Variants in PYGL observed in about 807,000 individuals in gnomAD.
PYGL encodes glycogen phosphorylase, liver form.
PYGL carries 90 observed loss-of-function variants against 100.1 expected under a neutral mutation model. The observed-to-expected ratio is 0.90, with a 90% CI of 0.76 to 1.07. The LOEUF (loss-of-function observed/expected upper bound fraction) is 1.07. Among genes scored for constraint, PYGL ranks in the 50% least tolerant of loss-of-function variants. The probability of loss-of-function intolerance (pLI) is 0.00; values close to 1 mark genes in which losing one functional copy is unlikely to be tolerated. For missense variants in PYGL, 1,016 were observed against 1,057.6 expected (o/e 0.96, Z 0.55); for synonymous variants, 373 against 393.0 (o/e 0.95, Z 0.60).
At chr14:50,910,365 A>G (rs2050381828) in intron 16 of PYGL, among the ~76,000 whole-genome samples, 1 of 152,152 alleles carries the variant, frequency 6.6e-6, no homozygotes, top group Non-Finnish European at 1.5e-5. Flanking sequence ...CATTGATACT[A>G]CATTTCTCTT....
intron 13 of PYGL, among the ~76,000 whole-genome samples, chr14:50,912,637 C>A (rs911399274): frequency 6.6e-6 from 1 of 152,108 alleles, no homozygotes; most frequent in Non-Finnish European, 1.5e-5. Flanking sequence ...CCACCGCGCC[C>A]GGCTGGGTGG....
intron 4 of PYGL, among the ~76,000 whole-genome samples, chr14:50,929,698 C>T (rs180679377): frequency 4.6e-5 from 7 of 152,220 alleles, no homozygotes; most frequent in African/African-American, 1.7e-4. Flanking sequence ...AATTAGATAC[C>T]ATGTGTTGTT....
At chr14:50,915,529 G>A (rs2050438900) in intron 10 of PYGL, 30 bp from the exon 11 acceptor site, 6 of 1,613,362 alleles carry the variant, frequency 3.7e-6, no homozygotes, top group Non-Finnish European at 5.1e-6. Flanking sequence ...GCCCTTGCTG[G>A]TCACTCAGGT....
Position 50,911,852 on chromosome 14 carries a change from A to T in PYGL, c.1847T>A (p.Met616Lys), listed in dbSNP as rs776377597. 6.2e-7 allele frequency: 1 copy of T among 1,604,830 alleles called. No homozygotes were observed. The highest frequency in any genetic ancestry group is 8.5e-7 in the Non-Finnish European group (1 of 1,178,876). ...GATCAGCTTTATGATCATTTTGGCC[A>T]TGTGATATCCTGGGGCAGCCTTTGG... ...IGGKAAPGYH[M>K]AKMIIKLITS... The change falls in exon 16 of 20, where the codon ATG becomes AAG. Residue 616 changes from methionine (M) to lysine (K), a missense_variant. Transcript: ENST00000216392.
At chr14:50,908,982 A>T (rs773415481) in intron 17 of PYGL, 27 bp from the exon 18 acceptor site, 1 of 1,499,636 alleles carries the variant, frequency 6.7e-7, no homozygotes, top group Non-Finnish European at 8.9e-7. Flanking sequence ...GGTGGGTGAT[A>T]AAAAAAGGCT....
At chr14:50,935,048 T>C in intron 3 of PYGL, 59 bp downstream of exon 3, 1 of 1,465,882 alleles carries the variant, frequency 6.8e-7, no homozygotes, top group Non-Finnish European at 9.6e-7. Context: ...TGGTCATGCA[T>C]GGCATCTGAG....
chr14:50,920,466 TTA>T lies in PYGL; in HGVS notation c.855+73_855+74del. The stretch of plus-strand genomic sequence containing the variant: ...GAAAAACATCAATATTAAATGTGTT[TTA>T]TAGGTTACTGAACAGGCTCTTGTGA... On this transcript the variant is annotated intron_variant, in intron 7 of 19. Transcript: ENST00000216392. 2.2e-6 allele frequency: 3 copies of T among 1,353,354 alleles called. No homozygotes were observed. In the South Asian group the frequency reaches 3.5e-5, roughly 16 times the overall value. The allele number at this position is 1,353,354 out of a possible 1,614,324, so 83.8% of individuals were successfully genotyped here.
intron 7 of PYGL, among the ~76,000 whole-genome samples, chr14:50,918,157 C>T (rs1035329061): frequency 6.6e-6 from 1 of 151,982 alleles, no homozygotes; most frequent in Admixed American, 6.5e-5. Context: ...GCAAGAATGG[C>T]CATAATTAAA....
intron 8 of PYGL, 61 bp from the exon 9 acceptor site, chr14:50,916,795 C>G: frequency 6.4e-7 from 1 of 1,564,072 alleles, no homozygotes; most frequent in South Asian, 1.1e-5. Context: ...GCTTCTTTGT[C>G]CTAACACATC....
At chr14:50,931,457 A>G (rs1362400284) in intron 4 of PYGL, among the ~76,000 whole-genome samples, 1 of 152,214 alleles carries the variant, frequency 6.6e-6, no homozygotes, top group Non-Finnish European at 1.5e-5. Context: ...CCCTCAGTGC[A>G]ATGGATCTGG....
intron 5 of PYGL, among the ~76,000 whole-genome samples, chr14:50,922,297 T>C (rs2050509434): frequency 6.6e-6 from 1 of 152,216 alleles, no homozygotes; most frequent in Non-Finnish European, 1.5e-5. Flanking sequence ...TCTCTTTAAT[T>C]TGGTCTGCTG....
chr14:50,912,296 T>C lies in PYGL; in HGVS notation c.1628A>G (p.Lys543Arg). Reference sequence around the variant, plus strand: ...CTCCAGGAACTGAGAAAACTTCAGCTTATTCTCCTGTTAAGACAGTGCATG... The same window carrying C: ...CTCCAGGAACTGAGAAAACTTCAGCCTATTCTCCTGTTAAGACAGTGCATG... ...RELAKVKQEN[K>R]LKFSQFLETE... The change falls in exon 14 of 20, where the codon AAG (lysine) becomes AGG (arginine). Residue 543 changes from lysine to arginine, a missense_variant. Lys to Arg is a conservative substitution (Grantham distance 26). Transcript: ENST00000216392. 1 of 1,614,044 alleles carries C rather than the reference T, an allele frequency of 6.2e-7. No homozygotes were observed. Among genetic ancestry groups the C allele is most frequent in the Non-Finnish European group, 8.5e-7 (1 of 1,179,918 alleles).
In PYGL at chr14:50,916,736, T is replaced by C; in HGVS notation, c.1000-2A>G. On this transcript the variant is annotated splice_acceptor_variant, in intron 8 of 19. Coordinates refer to ENST00000216392, the MANE Select transcript of PYGL (RefSeq NM_002863.5). LOFTEE classifies it high-confidence loss of function. ...AGTGTCATTCAGCTGGATGGCCACC[T>C]GGGTGGGGAAAGACATCAACATGAA... 6.2e-7 allele frequency: 1 copy of C among 1,613,104 alleles called. No homozygotes were observed. The highest frequency in any genetic ancestry group is 1.3e-5 in the African/African-American group (1 of 75,062).
chr14:50,911,910 C>T, intron 15 of PYGL, 39 bp from the exon 16 acceptor site: 1 of 1,614,016 alleles, frequency 6.2e-7, no homozygotes, highest in Non-Finnish European at 8.5e-7. Context: ...CAGAAGGCAG[C>T]CATGATGAAG....
chr14:50,937,650 T>A, intron 2 of PYGL, 86 bp downstream of exon 2: 1 of 1,326,526 alleles, frequency 7.5e-7, no homozygotes. Context: ...TATTTTACTT[T>A]ATTTTTTTGT....
rs374301747 is a variant in PYGL at position 50,909,964 on chromosome 14, T to G, written c.2108A>C (p.Glu703Ala). 1.2e-6 allele frequency: 2 copies of G among 1,614,112 alleles called. No homozygotes were observed. Among genetic ancestry groups the G allele is most frequent in the Non-Finnish European group, 1.7e-6 (2 of 1,180,036 alleles). Residue 703 changes from glutamate to alanine, a missense_variant, in exon 17 of 20, where the codon GAA (glutamate) becomes GCA (alanine). By Grantham distance (107) the Glu-to-Ala change is moderately radical. Transcript: ENST00000216392. The part of the protein sequence containing the change: ...MDGANVEMAE[E>A]AGEENLFIFG... ...GATGAACAGGTTCTCTTCCCCAGCT[T>G]CTTCTGCCATTTCCACATTGGCCCC...
chr14:50,931,821 A>C, intron 3 of PYGL, 45 bp from the exon 4 acceptor site: 4 of 1,546,204 alleles, frequency 2.6e-6, no homozygotes, highest in Non-Finnish European at 3.6e-6. Flanking sequence ...CATTAAGCTG[A>C]GCCAAAATTT....
rs2050642800 is a variant in PYGL, at chr14:50,935,121, A to G, written c.410T>C (p.Leu137Pro). The change falls in exon 3 of 20, where the codon CTT becomes CCT. Residue 137 changes from leucine (L) to proline (P), a missense_variant. Physicochemically the swap from Leu to Pro is moderately conservative, Grantham distance 98. Transcript: ENST00000216392. Reference sequence around the variant, plus strand: ...ATGTCACTTACCAGCAAGTCTCCCAAGACCACCATTGCCAAGTCCAGCATC... The same window carrying G: ...ATGTCACTTACCAGCAAGTCTCCCAGGACCACCATTGCCAAGTCCAGCATC... The part of the protein sequence containing the change: ...EEDAGLGNGG[L>P]GRLAACFLDS... 1 of 1,611,090 alleles carries G rather than the reference A, an allele frequency of 6.2e-7. No individual in the cohort carries two copies. Among genetic ancestry groups the G allele is most frequent in the Non-Finnish European group, 8.5e-7 (1 of 1,177,304 alleles).
intron 4 of PYGL, among the ~76,000 whole-genome samples, chr14:50,927,374 G>C (rs376136108): frequency 9.9e-5 from 15 of 152,008 alleles, no homozygotes; most frequent in African/African-American, 3.6e-4. Context: ...ACAGGTGCCC[G>C]CCACCACACA....
Sources: allele counts gnomAD v4.1 joint callset (sites outside exome capture counted in the v4.1 genomes callset), GRCh38; gene constraint gnomAD v4.1.1; transcripts MANE v1.5; gene names NCBI Gene and HGNC (gene_info 2026-07-23, HGNC 2026-07-21).